The following ITLN2 variants were observed in gnomAD, a reference collection of about 807,000 sequenced individuals.
ITLN2 encodes the protein intelectin-2.
Under a neutral mutation model 39.4 loss-of-function variants are expected in ITLN2, and 29 were observed. The ratio of observed to expected loss-of-function variants is 0.74; its 90% CI spans 0.55 to 1.00. The LOEUF (loss-of-function observed/expected upper bound fraction) is 1.00, where lower values mean the gene tolerates loss of function less well. ITLN2 is among the 50% of genes least tolerant of loss of function. The probability of loss-of-function intolerance (pLI) is 0.00; values close to 1 mark genes in which losing one functional copy is unlikely to be tolerated. For missense variants in ITLN2, 412 were observed against 416.7 expected (o/e 0.99, Z 0.10); for synonymous variants, 156 against 153.4 (o/e 1.02, Z -0.12).
intron 3 of ITLN2, 21 bp downstream of exon 3, chr1:160,952,599 C>A: frequency 1.3e-6 from 2 of 1,550,864 alleles, no homozygotes; most frequent in Non-Finnish European, 1.8e-6. Flanking sequence ...AGAGAGAATG[C>A]TGAGTTGGTT....
At chr1:160,947,465 C>A (rs1671631547) in intron 7 of ITLN2, among the ~76,000 whole-genome samples, 2 of 152,202 alleles carry the variant, frequency 1.3e-5, no homozygotes, top group African/African-American at 2.4e-5. Context: ...TCCTCCTCAG[C>A]ACAGACCCTT....
intron 3 of ITLN2, 28 bp from the exon 4 acceptor site, chr1:160,951,318 C>T: frequency 1.9e-6 from 3 of 1,543,782 alleles, no homozygotes; most frequent in South Asian, 1.3e-5. Context: ...CCAGAGCCTC[C>T]CTGTCTGAGA....
At chr1:160,953,264 G>A (rs894328849) in intron 2 of ITLN2, among the ~76,000 whole-genome samples, 15 of 152,170 alleles carry the variant, frequency 9.9e-5, no homozygotes, top group East Asian at 1.9e-4. Context: ...CAGGTCAGTC[G>A]CTTATTGTGG....
chr1:160,951,450 T>A, intron 3 of ITLN2, 160 bp from the exon 4 acceptor site: 1 of 887,486 alleles, frequency 1.1e-6, no homozygotes, highest in Non-Finnish European at 1.7e-6. Flanking sequence ...TCTGCTCACC[T>A]ATGAGCAGAG....
intron 2 of ITLN2, among the ~76,000 whole-genome samples, chr1:160,953,177 C>A (rs975360862): frequency 2.6e-5 from 4 of 151,906 alleles, no homozygotes; most frequent in Non-Finnish European, 5.9e-5. Context: ...GAGAGTACAC[C>A]CCAGGAAGAG....
In ITLN2 at chr1:160,945,101, G is replaced by A; in HGVS notation, c.*39C>T. ...TTTCCGTCTCCAAATAGCCGGGGTT[G>A]GAAGATGGGTTCTCGCCCTGACACC... is the stretch of plus-strand genomic sequence containing the variant. On this transcript the variant is annotated 3_prime_UTR_variant, in exon 8 of 8. Transcript: ENST00000368029. The A allele has an allele frequency of 2.6e-6, 4 of 1,525,516 alleles. No individual in the cohort carries two copies. The highest frequency in any genetic ancestry group is 2.6e-6 in the Non-Finnish European group (3 of 1,146,834). The allele number at this position is 1,525,516 out of a possible 1,614,324, so 94.5% of individuals were successfully genotyped here.
At chr1:160,945,401 C>T in intron 7 of ITLN2, 109 bp from the exon 8 acceptor site, 2 of 1,010,934 alleles carry the variant, frequency 2.0e-6, no homozygotes. Context: ...CCTGCCTCGG[C>T]CTCCCAAAGT....
intron 2 of ITLN2, among the ~76,000 whole-genome samples, chr1:160,953,633 C>T (rs1671796047): frequency 6.6e-6 from 1 of 152,004 alleles, no homozygotes; most frequent in Non-Finnish European, 1.5e-5. Flanking sequence ...AGCTCTTTAA[C>T]CCAGGAGACG....
At chr1:160,951,910 T>C (rs1475653986) in intron 3 of ITLN2, among the ~76,000 whole-genome samples, 2 of 152,220 alleles carry the variant, frequency 1.3e-5, no homozygotes, top group Non-Finnish European at 2.9e-5. Context: ...GAGACAGCTG[T>C]CATAACTGTG....
chr1:160,947,843 T>A (rs1274170668), intron 7 of ITLN2, 86 bp downstream of exon 7: 3 of 932,508 alleles, frequency 3.2e-6, no homozygotes, highest in Non-Finnish European at 5.1e-6. Flanking sequence ...GTTTCTTATG[T>A]CTTCCTTTTC....
chr1:160,945,329 G>T lies in ITLN2; in HGVS notation c.826-37C>A, dbSNP rs775346940. 8.6e-6 allele frequency: 13 copies of T among 1,505,040 alleles called. No individual in the cohort carries two copies. In the South Asian group the frequency reaches 9.5e-5, roughly 11 times the overall value. 93.2% of individuals were successfully genotyped at this position (1,505,040 alleles called of 1,614,324 possible). On this transcript the variant is annotated intron_variant, in intron 7 of 7. Coordinates refer to ENST00000368029, the MANE Select transcript of ITLN2 (RefSeq NM_080878.3). Reference sequence around the variant, plus strand: ...AAAGAAGAAACACTGTGAGGAATTTGATTTGCTGCTGACACCAGTGAGCGC... The same window carrying T: ...AAAGAAGAAACACTGTGAGGAATTTTATTTGCTGCTGACACCAGTGAGCGC...
At chr1:160,947,469 G>A (rs1482574383) in intron 7 of ITLN2, among the ~76,000 whole-genome samples, 1 of 152,190 alleles carries the variant, frequency 6.6e-6, no homozygotes, top group Admixed American at 6.5e-5. Context: ...CCTCAGCACA[G>A]ACCCTTTACG....
At chr1:160,948,516 T>C (rs1557873302) in intron 6 of ITLN2, 1 of 153,072 alleles carries the variant, frequency 6.5e-6, no homozygotes, top group Non-Finnish European at 1.5e-5. Flanking sequence ...TCTGTGCTCT[T>C]ATTATACTGA....
At chr1:160,952,548 T>C in intron 3 of ITLN2, 72 bp downstream of exon 3, 1 of 1,055,626 alleles carries the variant, frequency 9.5e-7, no homozygotes, top group East Asian at 2.4e-5. Flanking sequence ...TCCCTCCTGA[T>C]TTCCATGACT....
chr1:160,949,968 T>G, intron 6 of ITLN2, 78 bp downstream of exon 6: 1 of 1,339,938 alleles, frequency 7.5e-7, no homozygotes, highest in Admixed American at 1.8e-5. Flanking sequence ...CTAGCAATTA[T>G]TAATTGTTGT....
intron 7 of ITLN2, among the ~76,000 whole-genome samples, chr1:160,947,204 T>A (rs931257048): frequency 6.6e-6 from 1 of 152,226 alleles, no homozygotes; most frequent in Admixed American, 6.5e-5. Flanking sequence ...GGAAAGGTAC[T>A]GTGCCCGGAT....
At chr1:160,951,363 G>A in intron 3 of ITLN2, 73 bp from the exon 4 acceptor site, 1 of 1,514,068 alleles carries the variant, frequency 6.6e-7, no homozygotes, top group Non-Finnish European at 8.8e-7. Context: ...GAATAGAAAA[G>A]CCCTAGGAAG....
rs565843723 is a variant in ITLN2, at chr1:160,948,729, C to A, written c.722-697G>T. ...GCAACCTCCGCCTCCCAGGTTCAAG[C>A]GATTCTCCTGCCTCAGCCTCCCGAG... On this transcript the variant is annotated intron_variant, in intron 6 of 7. Transcript: ENST00000368029. The A allele has an allele frequency of 2.8e-3, 426 of 151,720 alleles. 2 individuals are homozygous for A. Among genetic ancestry groups the A allele is most frequent in the Non-Finnish European group, 4.9e-3 (337 of 68,140 alleles). 9.4% of individuals were successfully genotyped at this position (151,720 alleles called of 1,614,324 possible).
Position 160,952,740 on chromosome 1 carries a change from A to G in ITLN2, c.80-7T>C. 1.9e-6 allele frequency: 3 copies of G among 1,599,164 alleles called. No homozygotes were observed. Among genetic ancestry groups the G allele is most frequent in the Non-Finnish European group, 2.6e-6 (3 of 1,167,200 alleles). ...TCAAGAGAAGAGGCTGCTGCTAGAA[A>G]ATGTGAGAATGAGTCTCATTAGAAG... On this transcript the variant is annotated splice_region_variant and splice_polypyrimidine_tract_variant and intron_variant, in intron 2 of 7. Coordinates refer to ENST00000368029, the MANE Select transcript of ITLN2 (RefSeq NM_080878.3).
Sources: allele counts gnomAD v4.1 joint callset (sites outside exome capture counted in the v4.1 genomes callset), GRCh38; gene constraint gnomAD v4.1.1; transcripts MANE v1.5; gene names NCBI Gene and HGNC (gene_info 2026-07-23, HGNC 2026-07-21).